Variants in GRM8 observed in about 807,000 individuals in gnomAD.
The protein encoded by GRM8 is metabotropic glutamate receptor 8.
A neutral mutation model predicts 87.2 loss-of-function variants in GRM8; 47 were observed. The ratio of observed to expected loss-of-function variants is 0.54; its 90% CI spans 0.43 to 0.69. The LOEUF is 0.69. GRM8 is among the 30% of genes least tolerant of loss of function. The probability of loss-of-function intolerance (pLI) is 0.00; values close to 1 mark genes in which losing one functional copy is unlikely to be tolerated. For synonymous variants in GRM8, 396 were observed against 404.5 expected, an observed-to-expected ratio of 0.98 and a Z score of 0.25; for missense variants, 1,019 against 1,139.2, an observed-to-expected ratio of 0.89 and a Z score of 1.52.
At chr7:127,099,562 G>A (rs1407939194) in intron 3 of GRM8, among the ~76,000 whole-genome samples, 1 of 152,114 alleles carries the variant, frequency 6.6e-6, no homozygotes, top group Non-Finnish European at 1.5e-5. Context: ...TTATCCATTA[G>A]GTTACCTCAT....
At chr7:127,200,724 T>G (rs1795541644) in intron 2 of GRM8, among the ~76,000 whole-genome samples, 1 of 152,360 alleles carries the variant, frequency 6.6e-6, no homozygotes, top group East Asian at 1.9e-4. Flanking sequence ...TTCGCCCCTG[T>G]GTGTGTGTTT....
chr7:126,631,455 G>T (rs1453186477), intron 7 of GRM8, among the ~76,000 whole-genome samples: 1 of 151,952 alleles, frequency 6.6e-6, no homozygotes, highest in East Asian at 1.9e-4. Context: ...TGGCCATACT[G>T]CCCAAAGCAA....
At chr7:126,577,751 A>C (rs1795243238) in intron 8 of GRM8, among the ~76,000 whole-genome samples, 1 of 152,164 alleles carries the variant, frequency 6.6e-6, no homozygotes, top group Non-Finnish European at 1.5e-5. Context: ...CAATTTCTTA[A>C]AAGCCTTTTT....
At chr7:127,091,227 G>A (rs998500534) in intron 3 of GRM8, among the ~76,000 whole-genome samples, 1 of 151,978 alleles carries the variant, frequency 6.6e-6, no homozygotes, top group South Asian at 2.1e-4. Context: ...CCCCTTATTA[G>A]CTTGCACTGA....
At chr7:126,451,081 T>A (rs150721560) in intron 9 of GRM8, among the ~76,000 whole-genome samples, 166 of 151,980 alleles carry the variant, frequency 1.1e-3, no homozygotes, top group African/African-American at 3.7e-3. Context: ...CTTACTGGGT[T>A]CCACAAATTA....
intron 2 of GRM8, among the ~76,000 whole-genome samples, chr7:127,184,214 T>C (rs572391582): frequency 6.6e-6 from 1 of 151,998 alleles, no homozygotes; most frequent in Admixed American, 6.6e-5. Context: ...AGGAAAACTA[T>C]AGATCAATAT....
At chr7:126,857,626 C>CA (rs1273582260) in intron 6 of GRM8, among the ~76,000 whole-genome samples, 1 of 152,192 alleles carries the variant, frequency 6.6e-6, no homozygotes, top group East Asian at 1.9e-4. Context: ...ACTGCCTACC[C>CA]AGGTCTTCTT....
intron 3 of GRM8, among the ~76,000 whole-genome samples, chr7:126,920,378 A>G (rs1804391439): frequency 6.7e-6 from 1 of 150,346 alleles, no homozygotes; most frequent in Admixed American, 6.6e-5. Flanking sequence ...GTCTACTATA[A>G]AAAAAAAGAG....
chr7:127,232,926 C>T (rs1563597659), intron 2 of GRM8, among the ~76,000 whole-genome samples: 1 of 152,130 alleles, frequency 6.6e-6, no homozygotes, highest in Non-Finnish European at 1.5e-5. Flanking sequence ...CAACCTCTGT[C>T]TCCCAGGTTC....
chr7:127,246,436 G>A (rs1798587226), intron 1 of GRM8, among the ~76,000 whole-genome samples: 1 of 152,228 alleles, frequency 6.6e-6, no homozygotes, highest in African/African-American at 2.4e-5. Context: ...GTGCTGGACT[G>A]TTTCAAGGAG....
chr7:126,644,801 G>GAAA (rs1169408388), intron 7 of GRM8, among the ~76,000 whole-genome samples: 2 of 152,192 alleles, frequency 1.3e-5, no homozygotes, highest in African/African-American at 2.4e-5. Flanking sequence ...ACCACACTCA[G>GAAA]AAAAGGTCAT....
chr7:126,484,428 A>G (rs1481620767), intron 9 of GRM8, among the ~76,000 whole-genome samples: 1 of 152,118 alleles, frequency 6.6e-6, no homozygotes, highest in Non-Finnish European at 1.5e-5. Context: ...TAGCATTAAG[A>G]TATAGAAATA....
chr7:126,771,669 T>C (rs900826862), intron 6 of GRM8, among the ~76,000 whole-genome samples: 79 of 152,088 alleles, frequency 5.2e-4, no homozygotes, highest in Admixed American at 1.3e-4. Flanking sequence ...TTTCTAAACC[T>C]TTCTTGCCAT....
At chr7:126,778,360 G>A (rs1006015800) in intron 6 of GRM8, among the ~76,000 whole-genome samples, 16 of 152,144 alleles carry the variant, frequency 1.1e-4, no homozygotes, top group Admixed American at 8.5e-4. Context: ...TCAGGCAGGT[G>A]CCAGGTGTCC....
At chr7:127,140,791 A>T (rs1411674252) in intron 2 of GRM8, among the ~76,000 whole-genome samples, 1 of 152,176 alleles carries the variant, frequency 6.6e-6, no homozygotes, top group Admixed American at 6.5e-5. Context: ...GCTGTTTGTC[A>T]TTAAACCCAT....
At chr7:126,505,885 C>T (rs552565112) in intron 9 of GRM8, among the ~76,000 whole-genome samples, 39 of 152,050 alleles carry the variant, frequency 2.6e-4, no homozygotes, top group Admixed American at 2.0e-4. Flanking sequence ...TAGAAAATTT[C>T]AAGTATATAA....
chr7:126,594,341 G>A (rs1440306702), intron 8 of GRM8, among the ~76,000 whole-genome samples: 1 of 152,016 alleles, frequency 6.6e-6, no homozygotes, highest in African/African-American at 2.4e-5. Context: ...CAACCTAAGT[G>A]TCCATCAGTG....
At chr7:127,147,972 C>A (rs1563542740) in intron 2 of GRM8, among the ~76,000 whole-genome samples, 1 of 152,058 alleles carries the variant, frequency 6.6e-6, no homozygotes. Flanking sequence ...TGTGGCCCAT[C>A]CCCTTGCCAT....
intron 6 of GRM8, among the ~76,000 whole-genome samples, chr7:126,884,520 T>A (rs1024520416): frequency 5.3e-5 from 8 of 152,212 alleles, no homozygotes; most frequent in African/African-American, 1.9e-4. Flanking sequence ...GAAGATTTTA[T>A]GCACATATTG....
Sources: allele counts gnomAD v4.1 joint callset (sites outside exome capture counted in the v4.1 genomes callset), GRCh38; gene constraint gnomAD v4.1.1; transcripts MANE v1.5; gene names NCBI Gene and HGNC (gene_info 2026-07-23, HGNC 2026-07-21).